WNT9B: variants seen among roughly 807,000 people sequenced by gnomAD.
WNT9B encodes the protein protein Wnt-9b.
A neutral mutation model predicts 30.2 loss-of-function variants in WNT9B; 12 were observed. The observed-to-expected ratio is 0.40, with a 90% CI of 0.26 to 0.64. WNT9B has a LOEUF of 0.64. Among genes scored for constraint, WNT9B ranks in the 30% least tolerant of loss-of-function variants. The pLI is 0.42. For missense variants in WNT9B, 442 were observed against 485.2 expected, an observed-to-expected ratio of 0.91 and a Z score of 0.84; for synonymous variants, 218 against 216.9, an observed-to-expected ratio of 1.01 and a Z score of -0.05.
At chr17:46,861,574 C>A (rs1358137562) in intron 1 of WNT9B, among the ~76,000 whole-genome samples, 1 of 152,178 alleles carries the variant, frequency 6.6e-6, no homozygotes, top group African/African-American at 2.4e-5. Context: ...AGAGACTTAT[C>A]CCCATCGGAC....
upstream of WNT9B, among the ~76,000 whole-genome samples, chr17:46,851,117 C>A (rs1320272519): frequency 6.6e-6 from 1 of 152,166 alleles, no homozygotes. This position sits in a 1 kb window ranked among gnomAD's most constrained non-coding sequence, Gnocchi z 4.3. Flanking sequence ...CTGCGGGCTG[C>A]GGCGAAGAGA....
At chr17:46,871,985 G>T (rs1017949188) in intron 1 of WNT9B, among the ~76,000 whole-genome samples, 1 of 152,204 alleles carries the variant, frequency 6.6e-6, no homozygotes, top group African/African-American at 2.4e-5. Flanking sequence ...ATGTAAGGGA[G>T]AGAGGGATGT....
chr17:46,845,296 C>T (rs1178073656), intron 1 of WNT9B, among the ~76,000 whole-genome samples: 1 of 152,050 alleles, frequency 6.6e-6, no homozygotes, highest in Non-Finnish European at 1.5e-5. Context: ...CCTGCTGCTC[C>T]GTGCCACCTG....
chr17:46,865,423 C>T (rs779817477), intron 1 of WNT9B, among the ~76,000 whole-genome samples: 24 of 151,454 alleles, frequency 1.6e-4, no homozygotes, highest in African/African-American at 3.6e-4. Flanking sequence ...GGGTGGGGGA[C>T]GAGGCTGTGG....
chr17:46,856,488 CT>C (rs34179433), intron 1 of WNT9B, among the ~76,000 whole-genome samples: 3,751 of 142,844 alleles, frequency 0.026, 120 homozygotes, highest in African/African-American at 0.085. Context: ...CTTTTTCTTT[CT>C]TTTTTTTTTT....
In WNT9B at chr17:46,874,848, G is replaced by A. The variant is rs1412347468; in HGVS notation, c.335-253G>A. 10 of 621,992 alleles carry A rather than the reference G, an allele frequency of 1.6e-5. No homozygotes were observed. The East Asian group carries it at 2.8e-4, about 17-fold the overall frequency. The allele number at this position is 621,992 out of a possible 1,614,324, so 38.5% of individuals were successfully genotyped here. A position where few individuals can be genotyped will look rare whatever the true frequency, so the allele number is the denominator to read the frequency against. ...CCGCCTTGGCCTCCTAAAGTGCTGG[G>A]ATTAGGGGCACGAGCCACTGTGCCC... On this transcript the variant is annotated intron_variant, in intron 2 of 3. Coordinates refer to ENST00000290015, the MANE Select transcript of WNT9B (RefSeq NM_003396.3).
At chr17:46,866,815 C>T (rs925926913) in intron 1 of WNT9B, among the ~76,000 whole-genome samples, 2 of 152,122 alleles carry the variant, frequency 1.3e-5, no homozygotes, top group African/African-American at 2.4e-5. Flanking sequence ...TGGGGATAGC[C>T]TCTGCTGAAA....
At position 46,875,213 on chromosome 17, in the gene WNT9B, G is replaced by C; in HGVS notation, c.447G>C (p.Pro149=). The C allele has an allele frequency of 2.5e-6, 4 of 1,614,184 alleles. No homozygotes were observed. Among genetic ancestry groups the C allele is most frequent in the Non-Finnish European group, 3.4e-6 (4 of 1,180,042 alleles). ...AGCGCTGCACCTGTGATGACTCTCC[G>C]GGGCTGGAGAGCCGGCAGGCCTGGC... is the stretch of plus-strand genomic sequence containing the variant. ...RMERCTCDDS[P]GLESRQAWQW... is the part of the protein sequence containing the mutation. Residue 149 remains proline, a synonymous_variant, in exon 3 of 4, where the codon CCG becomes CCC. Coordinates refer to ENST00000290015, the MANE Select transcript of WNT9B (RefSeq NM_003396.3).
chr17:46,876,529 G>A lies in WNT9B; in HGVS notation c.885G>A (p.Lys295=). Reference sequence around the variant, plus strand: ...CACCCAGCTTCTGCCGGCCCAGCAAGTACTCACCTGGCACAGCAGGTAGGG... The same window carrying A: ...CACCCAGCTTCTGCCGGCCCAGCAAATACTCACCTGGCACAGCAGGTAGGG... ...EDSPSFCRPS[K]YSPGTAGRVC... The change falls in exon 4 of 4, where the codon AAG becomes AAA. Residue 295 remains lysine, a synonymous_variant. Coordinates refer to ENST00000290015, the MANE Select transcript of WNT9B (RefSeq NM_003396.3). 1.9e-6 allele frequency: 3 copies of A among 1,613,680 alleles called. No homozygotes were observed. Among genetic ancestry groups the A allele is most frequent in the Non-Finnish European group, 2.5e-6 (3 of 1,180,026 alleles).
chr17:46,876,002 G>A lies in WNT9B; in HGVS notation c.601-243G>A, dbSNP rs569345262. ...CGGGGCTGCTGTGTTCAGTCACTGA[G>A]TTGGTGTGAACCGGGGCTGCTGTGT... On this transcript the variant is annotated intron_variant, in intron 3 of 3. Coordinates refer to ENST00000290015, the MANE Select transcript of WNT9B (RefSeq NM_003396.3). Among the ~76,000 whole-genome samples the A allele has an allele frequency of 9.2e-5, 14 of 152,312 alleles. No homozygotes were observed. The East Asian group carries it at 2.1e-3, about 23-fold the overall frequency.
rs138314634 is a variant in WNT9B, at chr17:46,876,309, G to A, written c.665G>A (p.Arg222His). 1,799 of 1,614,176 alleles carry A rather than the reference G, an allele frequency of 1.1e-3. 7 individuals carry two copies. The highest frequency in any genetic ancestry group is 1.4e-3 in the South Asian group (130 of 91,092). ...CHGVSGSCAV[R>H]TCWKQLSPFR... is the part of the protein sequence containing the mutation. The stretch of plus-strand genomic sequence containing the variant: ...GGCGTATCAGGCTCCTGTGCCGTGC[G>A]CACCTGCTGGAAGCAGCTCTCCCCG... The change falls in exon 4 of 4, where the codon CGC becomes CAC. Residue 222 changes from arginine (R) to histidine (H), a missense_variant. Arg to His is a conservative substitution (Grantham distance 29). Coordinates refer to ENST00000290015, the MANE Select transcript of WNT9B (RefSeq NM_003396.3).
At chr17:46,881,233 G>A (rs779138100), downstream of WNT9B, among the ~76,000 whole-genome samples, 6 of 152,198 alleles carry the variant, frequency 3.9e-5, no homozygotes, top group Non-Finnish European at 7.3e-5. Flanking sequence ...TCCCCAGGGC[G>A]GGAGGCAGAG....
chr17:46,876,316 C>T lies in WNT9B; in HGVS notation c.672C>T (p.Cys224=). 1.9e-6 allele frequency: 3 copies of T among 1,614,182 alleles called. No individual in the cohort carries two copies. The highest frequency in any genetic ancestry group is 2.5e-6 in the Non-Finnish European group (3 of 1,180,032). The change falls in exon 4 of 4, where the codon TGC becomes TGT. Residue 224 remains cysteine, a synonymous_variant. Coordinates refer to ENST00000290015, the MANE Select transcript of WNT9B (RefSeq NM_003396.3). The stretch of plus-strand genomic sequence containing the variant: ...CAGGCTCCTGTGCCGTGCGCACCTG[C>T]TGGAAGCAGCTCTCCCCGTTCCGTG... ...GVSGSCAVRT[C]WKQLSPFRET...
rs995805823 is a variant in WNT9B at position 46,880,440 on chromosome 17, C to A, written c.*3722C>A. 3.3e-5 allele frequency among the ~76,000 whole-genome samples: 5 copies of A among 152,200 alleles called. No individual in the cohort carries two copies. Among genetic ancestry groups the A allele is most frequent in the Admixed American group, 1.3e-4 (2 of 15,274 alleles). On this transcript the variant is annotated 3_prime_UTR_variant, in exon 4 of 4. Coordinates refer to ENST00000290015, the MANE Select transcript of WNT9B (RefSeq NM_003396.3). ...TATTTAGGGATCTCTTATTGAGCAC[C>A]AGGCAGCATCCTGGGTGCTTGGTGC...
intron 1 of WNT9B, among the ~76,000 whole-genome samples, chr17:46,867,304 A>G (rs2085155360): frequency 6.6e-6 from 1 of 152,238 alleles, no homozygotes; most frequent in South Asian, 2.1e-4. Flanking sequence ...GAGCATAGAG[A>G]GGTAAAGCAC....
chr17:46,837,407 G>A (rs2084646731), intron 1 of WNT9B, among the ~76,000 whole-genome samples: 1 of 152,144 alleles, frequency 6.6e-6, no homozygotes, highest in Admixed American at 6.6e-5. Flanking sequence ...GAATATTTGG[G>A]GGACTGGAGG....
chr17:46,872,484 G>C lies in WNT9B; in HGVS notation c.78-33G>C, dbSNP rs1384303031. On this transcript the variant is annotated intron_variant, in intron 1 of 3. Coordinates refer to ENST00000290015, the MANE Select transcript of WNT9B (RefSeq NM_003396.3). ...TTTGCCCCTCACCACCATCCCCAAG[G>C]CTCACCTGTCTCCCTCCTCTCGCTC... 5.5e-6 allele frequency: 8 copies of C among 1,458,928 alleles called. No individual in the cohort carries two copies. The South Asian group carries it at 1.2e-4, about 22-fold the overall frequency. 90.4% of individuals were successfully genotyped at this position (1,458,928 alleles called of 1,614,324 possible).
chr17:46,843,604 T>C (rs2084740893), intron 1 of WNT9B, among the ~76,000 whole-genome samples: 1 of 152,206 alleles, frequency 6.6e-6, no homozygotes, highest in Non-Finnish European at 1.5e-5. Flanking sequence ...TAAATATGTG[T>C]CTTTGGTGCC....
At chr17:46,849,449 G>T, upstream of WNT9B, among the ~76,000 whole-genome samples, 1 of 152,202 alleles carries the variant, frequency 6.6e-6, no homozygotes, top group East Asian at 1.9e-4. Flanking sequence ...ACCTGCCTAG[G>T]GGGTGTGGCT....
Sources: gnomAD v4.1 joint callset for allele counts (sites outside exome capture counted in the v4.1 genomes callset) on GRCh38, gnomAD v4.1.1 for gene constraint, Gnocchi (gnomAD v3.1) non-coding constraint, MANE v1.5 for transcripts, NCBI Gene and HGNC (gene_info 2026-07-23, HGNC 2026-07-21) for gene names.